Variants in SPHKAP observed in about 807,000 individuals in gnomAD.
SPHKAP encodes A-kinase anchor protein SPHKAP.
Under a neutral mutation model 137.5 loss-of-function variants are expected in SPHKAP, and 67 were observed. The observed-to-expected ratio is 0.49, with a 90% CI of 0.40 to 0.60. SPHKAP has a LOEUF of 0.60. Among genes scored for constraint, SPHKAP ranks in the 20% least tolerant of loss-of-function variants. The probability of loss-of-function intolerance (pLI) is 0.00; values close to 1 mark genes in which losing one functional copy is unlikely to be tolerated. For missense variants in SPHKAP, 2,097 were observed against 2,069.3 expected (o/e 1.01, Z -0.26); for synonymous variants, 813 against 785.3 (o/e 1.04, Z -0.59).
intron 2 of SPHKAP, among the ~76,000 whole-genome samples, chr2:228,115,134 C>T (rs1304325366): frequency 1.3e-5 from 2 of 152,144 alleles, no homozygotes; most frequent in Admixed American, 6.6e-5. Context: ...GTTTGCTCAT[C>T]AGTGTGTTGG....
intron 2 of SPHKAP, among the ~76,000 whole-genome samples, chr2:228,115,996 C>T (rs1379554617): frequency 6.6e-6 from 1 of 152,078 alleles, no homozygotes; most frequent in Non-Finnish European, 1.5e-5. Context: ...GAGGATATGG[C>T]AAAAAGGCAC....
intron 1 of SPHKAP, among the ~76,000 whole-genome samples, chr2:228,150,917 T>C (rs1434256465): frequency 1.3e-5 from 2 of 151,584 alleles, no homozygotes; most frequent in African/African-American, 2.4e-5. Flanking sequence ...GCATAGATAG[T>C]TTATTTATTT....
chr2:228,160,961 C>T (rs893557467), intron 1 of SPHKAP, among the ~76,000 whole-genome samples: 5 of 152,096 alleles, frequency 3.3e-5, no homozygotes, highest in African/African-American at 4.8e-5. Flanking sequence ...GTGTCAAATG[C>T]GATGAGGCAC....
At chr2:228,114,656 A>G (rs1377379114) in intron 2 of SPHKAP, among the ~76,000 whole-genome samples, 1 of 152,174 alleles carries the variant, frequency 6.6e-6, no homozygotes, top group Non-Finnish European at 1.5e-5. Context: ...TGCTATTAGT[A>G]TCAGAAATGC....
chr2:228,123,826 C>T (rs1217274287), intron 2 of SPHKAP, among the ~76,000 whole-genome samples: 2 of 152,138 alleles, frequency 1.3e-5, no homozygotes, highest in African/African-American at 4.8e-5. Context: ...TTTTTGCAAT[C>T]TACTTATCTG....
chr2:227,993,960 G>T (rs1472107613), intron 8 of SPHKAP: 2 of 729,260 alleles, frequency 2.7e-6, no homozygotes, highest in Non-Finnish European at 3.4e-6. Context: ...TACGGTGAAG[G>T]TATTTATCTA....
chr2:228,124,700 TG>T (rs1699019129), intron 2 of SPHKAP, among the ~76,000 whole-genome samples: 1 of 150,630 alleles, frequency 6.6e-6, no homozygotes, highest in Non-Finnish European at 1.5e-5. Flanking sequence ...ACCCACACGT[TG>T]TGCACATGTA....
At chr2:228,158,646 A>T (rs1700181799) in intron 1 of SPHKAP, among the ~76,000 whole-genome samples, 1 of 152,198 alleles carries the variant, frequency 6.6e-6, no homozygotes, top group South Asian at 2.1e-4. Context: ...AAGTGATCCC[A>T]TACCTCTAAG....
chr2:228,057,714 G>T (rs1258927788), intron 3 of SPHKAP, among the ~76,000 whole-genome samples: 1 of 152,152 alleles, frequency 6.6e-6, no homozygotes, highest in Non-Finnish European at 1.5e-5. Flanking sequence ...TTGAAAGAAA[G>T]AGTGGTTGAA....
chr2:228,180,745 C>T (rs1231349953), intron 1 of SPHKAP, among the ~76,000 whole-genome samples: 2 of 152,220 alleles, frequency 1.3e-5, no homozygotes, highest in African/African-American at 4.8e-5. Flanking sequence ...CCAGCACCAC[C>T]GCCCCGATTT....
At chr2:227,999,510 T>C (rs1693767642) in intron 7 of SPHKAP, among the ~76,000 whole-genome samples, 1 of 152,236 alleles carries the variant, frequency 6.6e-6, no homozygotes, top group South Asian at 2.1e-4. Context: ...AGTCATTTCC[T>C]GGACCAATTT....
chr2:228,102,871 A>T (rs1050716864), intron 3 of SPHKAP, among the ~76,000 whole-genome samples: 1 of 152,074 alleles, frequency 6.6e-6, no homozygotes, highest in Non-Finnish European at 1.5e-5. Flanking sequence ...CCTCCCAAAT[A>T]GCTGGGACTA....
intron 3 of SPHKAP, among the ~76,000 whole-genome samples, chr2:228,077,467 G>A (rs771294369): frequency 6.6e-6 from 1 of 152,232 alleles, no homozygotes; most frequent in African/African-American, 2.4e-5. Flanking sequence ...AGTGTGACCT[G>A]GATGTGAGAC....
chr2:228,012,701 C>T (rs920907593), intron 7 of SPHKAP, among the ~76,000 whole-genome samples: 8 of 152,170 alleles, frequency 5.3e-5, no homozygotes, highest in African/African-American at 1.9e-4. Context: ...TCAGAATAAG[C>T]ACTCAAATAT....
intron 2 of SPHKAP, among the ~76,000 whole-genome samples, chr2:228,122,537 A>G: frequency 6.6e-6 from 1 of 152,152 alleles, no homozygotes. Flanking sequence ...AAACTGCAAA[A>G]CAACCATAAC....
rs1331643918 is a variant in SPHKAP, at chr2:228,019,047, A to C, written c.1807T>G (p.Cys603Gly). ...CCAAGCTCCATGCTTGCTAAACCAC[A>C]AAGTGGGGGCATGGCTTCAGAAGCC... ...AEASEAMPPL[C>G]GLASMELGKE... The change falls in exon 7 of 12, where the codon TGT becomes GGT. Residue 603 changes from cysteine (C) to glycine (G), a missense_variant. Physicochemically the swap from Cys to Gly is radical, Grantham distance 159. Coordinates refer to ENST00000392056, the MANE Select transcript of SPHKAP (RefSeq NM_001142644.2). 2 of 1,614,050 alleles carry C rather than the reference A, an allele frequency of 1.2e-6. No individual in the cohort carries two copies. Among genetic ancestry groups the C allele is most frequent in the Non-Finnish European group, 1.7e-6 (2 of 1,180,018 alleles).
chr2:228,141,763 G>T lies in SPHKAP; in HGVS notation c.33-9678C>A, dbSNP rs1055372295. ...ATGGGAAAATATTGAGATCATTAAAGCAAAGCTCTAAAGCTTACAGAAGAC... is the reference window on the plus strand; with the variant it reads ...ATGGGAAAATATTGAGATCATTAAATCAAAGCTCTAAAGCTTACAGAAGAC... On this transcript the variant is annotated intron_variant, in intron 1 of 11. Transcript: ENST00000392056. Among the ~76,000 whole-genome samples the T allele has an allele frequency of 2.0e-5, 3 of 152,056 alleles. No homozygotes were observed. In the East Asian group the frequency reaches 5.8e-4, roughly 29 times the overall value.
intron 1 of SPHKAP, among the ~76,000 whole-genome samples, chr2:228,168,721 A>G (rs952390356): frequency 6.6e-6 from 1 of 152,126 alleles, no homozygotes; most frequent in African/African-American, 2.4e-5. Flanking sequence ...AGATCTTCAA[A>G]TGAAAGGAAA....
At chr2:228,116,691 T>G (rs1171837052) in intron 2 of SPHKAP, among the ~76,000 whole-genome samples, 1 of 152,164 alleles carries the variant, frequency 6.6e-6, no homozygotes, top group African/African-American at 2.4e-5. Context: ...GCCCAAAGTT[T>G]TATGGGCTTT....
Sources: allele counts gnomAD v4.1 joint callset (sites outside exome capture counted in the v4.1 genomes callset), GRCh38; gene constraint gnomAD v4.1.1; transcripts MANE v1.5; gene names NCBI Gene and HGNC (gene_info 2026-07-23, HGNC 2026-07-21).